HPF1: variants seen among roughly 807,000 people sequenced by gnomAD.
HPF1 encodes histone PARylation factor 1, also known as UPF0609 protein C4orf27.
HPF1 carries 35 observed loss-of-function variants against 38.8 expected under a neutral mutation model. The observed-to-expected ratio is 0.90, with a 90% CI of 0.69 to 1.19. The LOEUF is 1.19. Ranked by LOEUF, HPF1 falls within the 50% of genes most tolerant of loss-of-function variation. The pLI, the probability that HPF1 is intolerant of heterozygous loss-of-function variation, is 0.00. For synonymous variants in HPF1, 115 were observed against 139.2 expected (o/e 0.83, Z 1.22); for missense variants, 367 against 405.8 (o/e 0.90, Z 0.82).
chr4:169,731,535 T>TA (rs966279460), intron 7 of HPF1, among the ~76,000 whole-genome samples, 169 bp downstream of exon 7: 17 of 152,054 alleles, frequency 1.1e-4, no homozygotes, highest in Admixed American at 5.2e-4. Context: ...ACATCTACGT[T>TA]AAAAAAAATC....
At chr4:169,749,609 C>T (rs563756384) in intron 3 of HPF1, among the ~76,000 whole-genome samples, 1 of 149,802 alleles carries the variant, frequency 6.7e-6, no homozygotes, top group South Asian at 2.1e-4. Flanking sequence ...AAAATTCAAA[C>T]AAATTTGCCA....
At chr4:169,736,484 A>C (rs887380421) in intron 6 of HPF1, among the ~76,000 whole-genome samples, 4 of 151,916 alleles carry the variant, frequency 2.6e-5, no homozygotes, top group African/African-American at 7.3e-5. Context: ...TCCCTATGGC[A>C]CTCCTCTAAG....
intron 4 of HPF1, among the ~76,000 whole-genome samples, chr4:169,743,408 CCTTTTTTT>C (rs200326576): frequency 1.9e-4 from 14 of 74,248 alleles, no homozygotes; most frequent in African/African-American, 8.6e-4. Flanking sequence ...CTGCCCCTGG[CCTTTTTTT>C]TTTTTTTTTT....
rs752736220 is a variant in HPF1 at position 169,750,605 on chromosome 4, T to C, written c.329A>G (p.Tyr110Cys). The change falls in exon 3 of 8, where the codon TAT (tyrosine) becomes TGT (cysteine). Residue 110 changes from tyrosine to cysteine, a missense_variant. Coordinates refer to ENST00000393381, the MANE Select transcript of HPF1 (RefSeq NM_017867.3). ...LNFNLHWRFYYDPPEFQTIII... is the reference protein window; with the variant it reads ...LNFNLHWRFYCDPPEFQTIII... ...AATGGTCTGGAACTCAGGAGGATCA[T>C]AGTAAAACCTCCAGTGAAGGTTAAA... 6 of 1,612,988 alleles carry C rather than the reference T, an allele frequency of 3.7e-6. No homozygotes were observed. The highest frequency in any genetic ancestry group is 1.7e-5 in the Admixed American group (1 of 59,980).
At chr4:169,731,148 T>C (rs1166402851) in intron 7 of HPF1, among the ~76,000 whole-genome samples, 1 of 152,246 alleles carries the variant, frequency 6.6e-6, no homozygotes, top group East Asian at 1.9e-4. Context: ...GCCTCTTTGA[T>C]CTTCAGGCAA....
At position 169,757,811 on chromosome 4, in the gene HPF1, A is replaced by C. The variant is rs776239478; in HGVS notation, c.48+19T>G. On this transcript the variant is annotated intron_variant, in intron 1 of 7. Coordinates refer to ENST00000393381, the MANE Select transcript of HPF1 (RefSeq NM_017867.3). ...ACCCAAAGCGCCCCGCGTAGCCCGCACAGCCTTTCCGGCAGTACCTGCGGC... is the reference window on the plus strand; with the variant it reads ...ACCCAAAGCGCCCCGCGTAGCCCGCCCAGCCTTTCCGGCAGTACCTGCGGC... The C allele has an allele frequency of 6.4e-7, 1 of 1,558,628 alleles. No individual in the cohort carries two copies. The highest frequency in any genetic ancestry group is 1.2e-5 in the South Asian group (1 of 85,658).
chr4:169,751,847 A>G (rs1734123059), intron 2 of HPF1, among the ~76,000 whole-genome samples: 1 of 152,234 alleles, frequency 6.6e-6, no homozygotes, highest in Non-Finnish European at 1.5e-5. Context: ...TTAGCCGAAG[A>G]TAACAGTTAA....
In HPF1 at chr4:169,757,732, G is replaced by A. The variant is rs561752064; in HGVS notation, c.48+98C>T. ...ACCGCAGCCCCTGGACACACAGCAA[G>A]CTTAATAGTCACTGGATGAATGAAA... On this transcript the variant is annotated intron_variant, in intron 1 of 7. Transcript: ENST00000393381. 18 of 1,183,354 alleles carry A rather than the reference G, an allele frequency of 1.5e-5. No individual in the cohort carries two copies. In the East Asian group the frequency reaches 3.3e-4, roughly 22 times the overall value. The allele number at this position is 1,183,354 out of a possible 1,614,324, so 73.3% of individuals were successfully genotyped here.
chr4:169,745,627 A>C (rs1257225889), intron 4 of HPF1, among the ~76,000 whole-genome samples: 2 of 152,186 alleles, frequency 1.3e-5, no homozygotes, highest in Non-Finnish European at 2.9e-5. Flanking sequence ...CAGAATGTTA[A>C]AGAGATGAAC....
chr4:169,756,677 C>T (rs527919342), intron 1 of HPF1, among the ~76,000 whole-genome samples: 163 of 152,302 alleles, frequency 1.1e-3, no homozygotes, highest in Non-Finnish European at 2.1e-3. Context: ...CAGAACGGTC[C>T]TAGCACATAA....
At chr4:169,748,650 G>T in intron 4 of HPF1, 94 bp downstream of exon 4, 8 of 607,434 alleles carry the variant, frequency 1.3e-5, no homozygotes, top group Non-Finnish European at 2.3e-5. Flanking sequence ...GGAATTACAG[G>T]TGTAAGCCAC....
At chr4:169,732,743 C>G (rs72696677) in intron 6 of HPF1, among the ~76,000 whole-genome samples, 1,905 of 152,064 alleles carry the variant, frequency 0.013, 28 homozygotes, top group South Asian at 0.051. Context: ...CTACATCCTT[C>G]GATTAAACCA....
rs779087089 is a variant in HPF1, at chr4:169,750,614, C to G, written c.320G>C (p.Arg107Thr). The change falls in exon 3 of 8, where the codon AGG (arginine) becomes ACG (threonine). Residue 107 changes from arginine to threonine, a missense_variant. Transcript: ENST00000393381. ...STGLNFNLHW[R>T]FYYDPPEFQT... The stretch of plus-strand genomic sequence containing the variant: ...GAACTCAGGAGGATCATAGTAAAAC[C>G]TCCAGTGAAGGTTAAAATTCAGGCC... The G allele has an allele frequency of 6.2e-7, 1 of 1,613,606 alleles. No homozygotes were observed. The highest frequency in any genetic ancestry group is 8.5e-7 in the Non-Finnish European group (1 of 1,179,702).
chr4:169,731,911 A>G, intron 6 of HPF1, 35 bp from the exon 7 acceptor site: 1 of 1,511,350 alleles, frequency 6.6e-7, no homozygotes, highest in Non-Finnish European at 9.1e-7. Context: ...GATTATCTAC[A>G]TAGTTAGAAA....
At chr4:169,750,365 T>C in intron 3 of HPF1, 171 bp downstream of exon 3, 1 of 444,450 alleles carries the variant, frequency 2.2e-6, no homozygotes, top group Non-Finnish European at 4.0e-6. Context: ...CCTAAAGAGT[T>C]TACCCATCCT....
chr4:169,751,842 C>T (rs184750398), intron 2 of HPF1, among the ~76,000 whole-genome samples: 3 of 152,186 alleles, frequency 2.0e-5, no homozygotes, highest in Admixed American at 1.3e-4. Flanking sequence ...TCTCATTAGC[C>T]GAAGATAACA....
At chr4:169,733,725 G>C (rs1366048196) in intron 6 of HPF1, among the ~76,000 whole-genome samples, 6 of 151,938 alleles carry the variant, frequency 3.9e-5, no homozygotes, top group African/African-American at 1.5e-4. Context: ...GTGAGACCCT[G>C]TCTCTACAAA....
In HPF1 at chr4:169,750,672, CA is replaced by C; in HGVS notation, c.261del (p.Ala88LeufsTer13). The C allele has an allele frequency of 6.2e-7, 1 of 1,613,728 alleles. No homozygotes were observed. Among genetic ancestry groups the C allele is most frequent in the South Asian group, 1.1e-5 (1 of 91,028 alleles). On this transcript the variant is annotated frameshift_variant, in exon 3 of 8. Coordinates refer to ENST00000393381, the MANE Select transcript of HPF1 (RefSeq NM_017867.3). LOFTEE classifies it high-confidence loss of function. ...GLQLVGPYDI[L>X]AGKHKTKKKS... ...TTTTTCTTCGTTTTATGTTTTCCAG[CA>C]AGGATATCATAAGGACCAACTAATT...
rs55792134 is a variant in HPF1, at chr4:169,729,938, A to G, written c.910-229T>C. 5.4e-3 allele frequency among the ~76,000 whole-genome samples: 818 copies of G among 152,250 alleles called. 11 individuals carry two copies. The highest frequency in any genetic ancestry group is 0.05 in the South Asian group (242 of 4,810). ...CATATCTTGAAAATTAAGAAAACCAAATTAAATCGAGCTTCCTTATTCCCT... is the reference window on the plus strand; with the variant it reads ...CATATCTTGAAAATTAAGAAAACCAGATTAAATCGAGCTTCCTTATTCCCT... On this transcript the variant is annotated intron_variant, in intron 7 of 7. Coordinates refer to ENST00000393381, the MANE Select transcript of HPF1 (RefSeq NM_017867.3).
Sources: gnomAD v4.1 joint callset for allele counts (sites outside exome capture counted in the v4.1 genomes callset) on GRCh38, gnomAD v4.1.1 for gene constraint, MANE v1.5 for transcripts, NCBI Gene and HGNC (gene_info 2026-07-23, HGNC 2026-07-21) for gene names.